Variants in RHOBTB3 observed in about 807,000 individuals in gnomAD.
The protein encoded by RHOBTB3 is Rho related BTB domain containing 3.
Under a neutral mutation model 67.2 loss-of-function variants are expected in RHOBTB3, and 47 were observed. The observed-to-expected ratio is 0.70, with a 90% CI of 0.55 to 0.89. The LOEUF (loss-of-function observed/expected upper bound fraction) is 0.89, where lower values mean the gene tolerates loss of function less well. Ranked by LOEUF, RHOBTB3 falls within the 40% of genes least tolerant of loss-of-function variation. RHOBTB3 has a pLI of 0.00. For missense variants in RHOBTB3, 631 were observed against 750.0 expected (o/e 0.84, Z 1.85); for synonymous variants, 273 against 274.2 (o/e 1.00, Z 0.04).
chr5:95,783,042 A>T (rs986363217), intron 9 of RHOBTB3, among the ~76,000 whole-genome samples: 1 of 151,374 alleles, frequency 6.6e-6, no homozygotes, highest in African/African-American at 2.4e-5. Context: ...AAAAAAATAG[A>T]TTCACTTCTG....
Position 95,763,551 on chromosome 5 carries a change from G to A in RHOBTB3, c.1092G>A (p.Lys364=). The A allele has an allele frequency of 6.2e-7, 1 of 1,612,868 alleles. No homozygotes were observed. Among genetic ancestry groups the A allele is most frequent in the Non-Finnish European group, 8.5e-7 (1 of 1,179,250 alleles). Residue 364 remains lysine (K), a synonymous_variant, in exon 7 of 12, where the codon AAG becomes AAA. Coordinates refer to ENST00000379982, the MANE Select transcript of RHOBTB3 (RefSeq NM_014899.4). ...WEELEEDIRK[K]LKDSGDVSNV... ...AATTGGAAGAAGATATCAGGAAGAAGTTGAAAGATTCTGGGGATGTTTCAA... is the reference window on the plus strand; with the variant it reads ...AATTGGAAGAAGATATCAGGAAGAAATTGAAAGATTCTGGGGATGTTTCAA...
Position 95,795,112 on chromosome 5 carries a change from A to AAG in RHOBTB3, c.*1939_*1940insGA. The AAG allele has an allele frequency of 6.6e-6, 1 of 152,034 alleles. No individual in the cohort carries two copies. The highest frequency in any genetic ancestry group is 1.9e-4 in the East Asian group (1 of 5,178). 9.4% of individuals were successfully genotyped at this position (152,034 alleles called of 1,614,324 possible). ...AGCGAAACTCCATCTCAAAAAAAAA[A>AAG]AAAAAACCAAAGTGAAACACTAAAA... On this transcript the variant is annotated 3_prime_UTR_variant, in exon 12 of 12. Coordinates refer to ENST00000379982, the MANE Select transcript of RHOBTB3 (RefSeq NM_014899.4).
At chr5:95,741,523 G>GTT (rs70978191) in intron 3 of RHOBTB3, among the ~76,000 whole-genome samples, 3,382 of 84,784 alleles carry the variant, frequency 0.04, 176 homozygotes, top group African/African-American at 0.05. Flanking sequence ...CTTTCTTTCT[G>GTT]TTTTTTTTTT....
chr5:95,793,146 C>A lies in RHOBTB3; in HGVS notation c.1808C>A (p.Ser603Tyr), dbSNP rs763493521. The A allele has an allele frequency of 6.8e-6, 11 of 1,611,702 alleles. No homozygotes were observed. The highest frequency in any genetic ancestry group is 5.0e-5 in the Admixed American group (3 of 59,658). ...QLAEYRKYIH[S>Y]RKCRCLVM Reference sequence around the variant, plus strand: ...GCGGAATACAGGAAGTATATTCACTCCCGGAAATGTCGTTGCTTAGTAATG... The same window carrying A: ...GCGGAATACAGGAAGTATATTCACTACCGGAAATGTCGTTGCTTAGTAATG... Residue 603 changes from serine (S) to tyrosine (Y), a missense_variant, in exon 12 of 12, where the codon TCC (serine) becomes TAC (tyrosine). By Grantham distance (144) the Ser-to-Tyr change is moderately radical (BLOSUM62 -2). Transcript: ENST00000379982.
rs1393795157 is a variant in RHOBTB3 at position 95,739,121 on chromosome 5, C to CAT, written c.415+2049_415+2050dup. On this transcript the variant is annotated intron_variant, in intron 3 of 11. Coordinates refer to ENST00000379982, the MANE Select transcript of RHOBTB3 (RefSeq NM_014899.4). ...TCTGGCTTTAGTCTTGCTCCTGGCA[C>CAT]ATATCACCATAGACATCATCTTCCT... Among the ~76,000 whole-genome samples the CAT allele has an allele frequency of 2.6e-5, 4 of 152,232 alleles. No individual in the cohort carries two copies. In the South Asian group the frequency reaches 8.3e-4, roughly 32 times the overall value.
At position 95,770,216 on chromosome 5, in the gene RHOBTB3, T is replaced by C; in HGVS notation, c.1282+2050T>C. The C allele has an allele frequency of 1.0e-5, 3 of 300,060 alleles. No individual in the cohort carries two copies. In the South Asian group the frequency reaches 1.2e-4, roughly 12 times the overall value. The allele number at this position is 300,060 out of a possible 1,614,324, so 18.6% of individuals were successfully genotyped here. ...AAACTTTAAAATGGAGTAGCTGTGC[T>C]GAAGGTTGGTGTAACAAGTGATGTC... is the stretch of plus-strand genomic sequence containing the variant. On this transcript the variant is annotated intron_variant, in intron 8 of 11. Transcript: ENST00000379982.
intron 2 of RHOBTB3, 46 bp from the exon 3 acceptor site, chr5:95,736,843 T>C: frequency 3.2e-6 from 4 of 1,243,140 alleles, no homozygotes; most frequent in Non-Finnish European, 4.5e-6. Context: ...TCAGGATTGA[T>C]TGGACGATAA....
chr5:95,790,668 A>T (rs778782035), intron 11 of RHOBTB3, among the ~76,000 whole-genome samples: 4 of 152,206 alleles, frequency 2.6e-5, no homozygotes, highest in Non-Finnish European at 5.9e-5. Flanking sequence ...AAAGGGAATC[A>T]TGAGAACTCT....
intron 3 of RHOBTB3, among the ~76,000 whole-genome samples, chr5:95,737,982 G>A (rs1755493814): frequency 6.6e-6 from 1 of 152,208 alleles, no homozygotes. Context: ...ATGGTATGTA[G>A]TAGTGCCTTA....
At chr5:95,783,722 G>A in intron 9 of RHOBTB3, 75 bp from the exon 10 acceptor site, 4 of 1,253,064 alleles carry the variant, frequency 3.2e-6, no homozygotes, top group Non-Finnish European at 4.4e-6. Context: ...GTTGTTTTTT[G>A]TTGGTGGGGG....
chr5:95,719,644 C>T (rs986352552), intron 1 of RHOBTB3: 1 of 152,162 alleles, frequency 6.6e-6, no homozygotes, highest in African/African-American at 2.4e-5. Context: ...ATTTGCATAC[C>T]TGTTCAGAGA....
chr5:95,748,891 C>T (rs911618723), intron 4 of RHOBTB3, among the ~76,000 whole-genome samples: 1 of 152,162 alleles, frequency 6.6e-6, no homozygotes, highest in Non-Finnish European at 1.5e-5. Flanking sequence ...AATAATTTTT[C>T]TTCCTCTGTG....
intron 6 of RHOBTB3, among the ~76,000 whole-genome samples, chr5:95,760,194 T>C (rs550130225): frequency 2.7e-4 from 41 of 152,344 alleles, no homozygotes; most frequent in Non-Finnish European, 7.4e-5. Flanking sequence ...TAGTTTTCTA[T>C]TGAATAACAA....
intron 5 of RHOBTB3, among the ~76,000 whole-genome samples, chr5:95,754,215 C>T (rs1580408154): frequency 6.6e-6 from 1 of 152,334 alleles, no homozygotes; most frequent in African/African-American, 2.4e-5. Flanking sequence ...TCAGCGTTCA[C>T]AAGGCTGTTT....
rs2112846146 is a variant in RHOBTB3, at chr5:95,793,560, A to G, written c.*386A>G. The G allele has an allele frequency of 6.0e-6, 1 of 166,050 alleles. No homozygotes were observed. Among genetic ancestry groups the G allele is most frequent in the South Asian group, 1.5e-4 (1 of 6,652 alleles). 10.3% of individuals were successfully genotyped at this position (166,050 alleles called of 1,614,324 possible). On this transcript the variant is annotated 3_prime_UTR_variant, in exon 12 of 12. Coordinates refer to ENST00000379982, the MANE Select transcript of RHOBTB3 (RefSeq NM_014899.4). The stretch of plus-strand genomic sequence containing the variant: ...TAATTGCTCTATTAAAATAAGGGGC[A>G]TTTAAAGACCCAGCATAACCATTTG...
At chr5:95,760,197 A>C (rs774478594) in intron 6 of RHOBTB3, among the ~76,000 whole-genome samples, 3 of 152,224 alleles carry the variant, frequency 2.0e-5, no homozygotes, top group Non-Finnish European at 2.9e-5. Flanking sequence ...TTTTCTATTG[A>C]ATAACAACAA....
intron 4 of RHOBTB3, among the ~76,000 whole-genome samples, chr5:95,750,544 T>C (rs773617788): frequency 4.6e-5 from 7 of 152,186 alleles, no homozygotes; most frequent in Non-Finnish European, 8.8e-5. Flanking sequence ...ATAATGCATA[T>C]ATTACAGAAC....
intron 3 of RHOBTB3, among the ~76,000 whole-genome samples, chr5:95,743,664 T>C (rs1755663419): frequency 7.0e-6 from 1 of 142,236 alleles, no homozygotes; most frequent in Non-Finnish European, 1.5e-5. Context: ...TCCCCCTTCC[T>C]TCTTTCCTCC....
chr5:95,737,239 A>G (rs1290308607), intron 3 of RHOBTB3, among the ~76,000 whole-genome samples, 164 bp downstream of exon 3: 1 of 152,230 alleles, frequency 6.6e-6, no homozygotes, highest in African/African-American at 2.4e-5. Context: ...ATAAAAAAAC[A>G]ACAAAGGAGA....
Sources: allele counts gnomAD v4.1 joint callset (sites outside exome capture counted in the v4.1 genomes callset), GRCh38; gene constraint gnomAD v4.1.1; transcripts MANE v1.5; gene names NCBI Gene and HGNC (gene_info 2026-07-23, HGNC 2026-07-21).